AMPH: variants seen among roughly 807,000 people sequenced by gnomAD.
The protein encoded by AMPH is amphiphysin (Stiff-Mann syndrome with breast cancer 128kD autoantigen).
AMPH carries 49 observed loss-of-function variants against 99.1 expected under a neutral mutation model. The ratio of observed to expected loss-of-function variants is 0.49; its 90% CI spans 0.39 to 0.63. The LOEUF is 0.63. Among genes scored for constraint, AMPH ranks in the 20% least tolerant of loss-of-function variants. AMPH has a pLI of 0.00. For missense variants in AMPH, 759 were observed against 863.4 expected, an observed-to-expected ratio of 0.88 and a Z score of 1.52; for synonymous variants, 314 against 317.3, an observed-to-expected ratio of 0.99 and a Z score of 0.11.
intron 1 of AMPH, among the ~76,000 whole-genome samples, chr7:38,603,314 C>CAAAAAAA (rs59085219): frequency 1.8e-4 from 17 of 94,860 alleles, no homozygotes; most frequent in African/African-American, 6.9e-4. Flanking sequence ...GACTCTGTCT[C>CAAAAAAA]AAAAAAAAAA....
intron 17 of AMPH, among the ~76,000 whole-genome samples, chr7:38,396,411 T>C (rs904764356): frequency 5.3e-5 from 8 of 152,230 alleles, no homozygotes; most frequent in African/African-American, 1.9e-4. Flanking sequence ...TCCATCATGA[T>C]TGTGAGGCCT....
chr7:38,576,891 T>G (rs937726147), intron 1 of AMPH, among the ~76,000 whole-genome samples: 2 of 152,176 alleles, frequency 1.3e-5, no homozygotes, highest in African/African-American at 4.8e-5. Flanking sequence ...TTTTCCCATC[T>G]ATACAAAGGA....
intron 5 of AMPH, among the ~76,000 whole-genome samples, chr7:38,479,860 C>T (rs766342098): frequency 1.3e-5 from 2 of 151,490 alleles, no homozygotes; most frequent in African/African-American, 4.9e-5. Context: ...ATAAGTAGAA[C>T]GAATAAGGAA....
intron 17 of AMPH, among the ~76,000 whole-genome samples, chr7:38,413,471 T>A (rs1177512216): frequency 6.6e-6 from 1 of 152,160 alleles, no homozygotes; most frequent in Admixed American, 6.5e-5. Context: ...GTCAACTAAC[T>A]AACAAATCAA....
intron 1 of AMPH, among the ~76,000 whole-genome samples, chr7:38,625,213 C>T (rs1217514307): frequency 1.3e-5 from 2 of 152,044 alleles, no homozygotes; most frequent in African/African-American, 4.8e-5. Flanking sequence ...AACAGGTCTA[C>T]AGAAAAATCA....
chr7:38,417,889 G>T lies in AMPH; in HGVS notation c.1334C>A (p.Thr445Lys), dbSNP rs1562739584. 17 of 1,614,170 alleles carry T rather than the reference G, an allele frequency of 1.1e-5. No individual in the cohort carries two copies. Among genetic ancestry groups the T allele is most frequent in the Non-Finnish European group, 1.2e-5 (14 of 1,180,008 alleles). The change falls in exon 17 of 21, where the codon ACA (threonine) becomes AAA (lysine). Residue 445 changes from threonine to lysine, a missense_variant. By Grantham distance (78) the Thr-to-Lys change is moderately conservative. Around this residue, in one of 2 missense-constraint regions of AMPH, gnomAD observed 554 missense variants for 575.6 expected, o/e 0.96. Coordinates refer to ENST00000356264, the MANE Select transcript of AMPH (RefSeq NM_001635.4). ...TCCAAGGTCCAGACCAACGGCAGGT[G>T]TGACAGCAGCCAGAGGCTCCTCTGC... ...PKAEEPLAAV[T>K]PAVGLDLGMD...
intron 1 of AMPH, among the ~76,000 whole-genome samples, chr7:38,593,148 C>A (rs992948718): frequency 2.6e-5 from 4 of 152,182 alleles, no homozygotes; most frequent in African/African-American, 9.7e-5. Context: ...AATATGTTGG[C>A]TACATGATAC....
chr7:38,386,562 G>T (rs1784354569), intron 20 of AMPH, among the ~76,000 whole-genome samples: 1 of 152,158 alleles, frequency 6.6e-6, no homozygotes, highest in African/African-American at 2.4e-5. Context: ...GGTAGAAAAA[G>T]ATTTCCTGTC....
At chr7:38,521,296 C>T (rs1357935909) in intron 2 of AMPH, among the ~76,000 whole-genome samples, 2 of 152,018 alleles carry the variant, frequency 1.3e-5, no homozygotes, top group South Asian at 2.1e-4. Context: ...CAAGGCAGGT[C>T]GAATCAGTTA....
intron 2 of AMPH, among the ~76,000 whole-genome samples, chr7:38,527,428 A>G (rs896303469): frequency 2.0e-5 from 3 of 152,144 alleles, no homozygotes; most frequent in Non-Finnish European, 4.4e-5. Context: ...TGATTTCAGT[A>G]TTTTATAATT....
rs1304933126 is a variant in AMPH, at chr7:38,461,366, T to C, written c.934A>G (p.Thr312Ala). 6.2e-7 allele frequency: 1 copy of C among 1,614,060 alleles called. No individual in the cohort carries two copies. Among genetic ancestry groups the C allele is most frequent in the East Asian group, 2.2e-5 (1 of 44,900 alleles). The change falls in exon 11 of 21, where the codon ACA becomes GCA. Residue 312 changes from threonine (T) to alanine (A), a missense_variant. By Grantham distance (58) the Thr-to-Ala change is moderately conservative. This residue lies in a region of AMPH where 554 missense variants were observed against 575.6 expected (regional missense o/e 0.96). Transcript: ENST00000356264. The stretch of plus-strand genomic sequence containing the variant: ...ATGTTCTCCTGCTGCAGTTCCTTTG[T>C]CGGGGTGACTTTAGGTAGAGGTGGG... ...PVPPLPKVTP[T>A]KELQQENIIS...
intron 14 of AMPH, 41 bp from the exon 15 acceptor site, chr7:38,427,027 T>C: frequency 6.3e-7 from 1 of 1,584,852 alleles, no homozygotes; most frequent in Non-Finnish European, 8.7e-7. Context: ...TTATTTTTCA[T>C]TATCATTTTG....
chr7:38,522,377 T>C (rs1790000032), intron 2 of AMPH, among the ~76,000 whole-genome samples: 2 of 152,208 alleles, frequency 1.3e-5, no homozygotes, highest in South Asian at 4.1e-4. Flanking sequence ...TGATTTATTT[T>C]ACAGACTCCA....
intron 1 of AMPH, among the ~76,000 whole-genome samples, chr7:38,565,683 G>A (rs1049483015): frequency 6.6e-6 from 1 of 151,356 alleles, no homozygotes; most frequent in African/African-American, 2.4e-5. Flanking sequence ...TGAATTTGGG[G>A]GGTGGGGAGG....
intron 2 of AMPH, among the ~76,000 whole-genome samples, chr7:38,507,189 AAC>A (rs1053579094): frequency 6.6e-6 from 1 of 151,914 alleles, no homozygotes; most frequent in Admixed American, 6.6e-5. Flanking sequence ...GTCGAAGGGA[AAC>A]ACTGCAGAGT....
intron 15 of AMPH, among the ~76,000 whole-genome samples, chr7:38,424,665 G>T (rs1191087931): frequency 1.3e-5 from 2 of 152,046 alleles, no homozygotes; most frequent in Non-Finnish European, 2.9e-5. Flanking sequence ...ATAAAGCCAT[G>T]AAATATTTTT....
intron 17 of AMPH, among the ~76,000 whole-genome samples, chr7:38,394,657 G>A (rs759650232): frequency 6.6e-6 from 1 of 152,166 alleles, no homozygotes; most frequent in Non-Finnish European, 1.5e-5. Flanking sequence ...GGAGTCACAC[G>A]AAAACCACCT....
intron 5 of AMPH, among the ~76,000 whole-genome samples, chr7:38,478,779 G>T (rs1333661222): frequency 1.3e-5 from 2 of 151,962 alleles, no homozygotes; most frequent in African/African-American, 2.4e-5. Flanking sequence ...TGGTCAAATA[G>T]AAATCAAATG....
At chr7:38,447,437 A>G (rs563783975) in intron 11 of AMPH, among the ~76,000 whole-genome samples, 52 of 152,204 alleles carry the variant, frequency 3.4e-4, no homozygotes, top group African/African-American at 1.2e-3. Context: ...CTTCTCTGTA[A>G]TTTACTATTT....
Sources: allele counts gnomAD v4.1 joint callset (sites outside exome capture counted in the v4.1 genomes callset), GRCh38; gene constraint gnomAD v4.1.1; regional missense constraint gnomAD v4.1.1; transcripts MANE v1.5; gene names NCBI Gene and HGNC (gene_info 2026-07-23, HGNC 2026-07-21).